The following MIB1 variants were observed in gnomAD, a reference collection of about 807,000 sequenced individuals.
MIB1 encodes the protein MIB E3 ubiquitin protein ligase 1, also known as E3 ubiquitin-protein ligase MIB1.
A neutral mutation model predicts 124.5 loss-of-function variants in MIB1; 278 were observed. That is an observed-to-expected ratio of 2.23 (90% CI 2.02 to 2.47). The LOEUF (loss-of-function observed/expected upper bound fraction) is 2.47, where lower values mean the gene tolerates loss of function less well. Among genes scored for constraint, MIB1 ranks in the 30% most tolerant of loss-of-function variants. The pLI is 0.00. For missense variants in MIB1, 957 were observed against 1,254.4 expected, an observed-to-expected ratio of 0.76 and a Z score of 3.58; for synonymous variants, 446 against 429.4, an observed-to-expected ratio of 1.04 and a Z score of -0.48.
At chr18:21,731,384 G>C (rs968631094) in intron 1 of MIB1, among the ~76,000 whole-genome samples, 6 of 152,170 alleles carry the variant, frequency 3.9e-5, no homozygotes, top group African/African-American at 1.4e-4. Context: ...ACTGCAAGAT[G>C]CTGATCTATT....
intron 20 of MIB1, among the ~76,000 whole-genome samples, chr18:21,859,374 C>CA (rs1481574073): frequency 7.1e-6 from 1 of 139,984 alleles, no homozygotes; most frequent in Non-Finnish European, 1.5e-5. Flanking sequence ...GCCTGGGTGA[C>CA]AGAGTGAGAC....
In MIB1 at chr18:21,819,357, G is replaced by A. The variant is rs28729513; in HGVS notation, c.1678-138G>A. 3,871 of 565,376 alleles carry A rather than the reference G, an allele frequency of 6.8e-3. 91 individuals carry two copies. Among genetic ancestry groups the A allele is most frequent in the African/African-American group, 0.054 (2,825 of 52,656 alleles). The allele number at this position is 565,376 out of a possible 1,614,324, so 35.0% of individuals were successfully genotyped here. A position where few individuals can be genotyped will look rare whatever the true frequency, so the allele number is the denominator to read the frequency against. On this transcript the variant is annotated intron_variant, in intron 11 of 20. Transcript: ENST00000261537. The stretch of plus-strand genomic sequence containing the variant: ...CCCAGCCTTTGCCTATATTTTTGTA[G>A]TTATCACAGAAAGTGCTCTTTTATT...
intron 6 of MIB1, among the ~76,000 whole-genome samples, chr18:21,789,511 A>G (rs1052677511): frequency 1.3e-5 from 2 of 151,980 alleles, no homozygotes; most frequent in Non-Finnish European, 2.9e-5. Context: ...GTATTTCCCA[A>G]ACTAATCTTC....
intron 1 of MIB1, among the ~76,000 whole-genome samples, chr18:21,755,605 G>A (rs1433467964): frequency 1.3e-5 from 2 of 152,104 alleles, no homozygotes; most frequent in Non-Finnish European, 2.9e-5. Flanking sequence ...GTGAGCCACC[G>A]TGCCCGGCCA....
rs2042335146 is a variant in MIB1 at position 21,868,403 on chromosome 18, G to GA, written c.*3738dup. ...AACATTAAGTTCTTAAAATTTTTGG[G>GA]AGGGACAGTGCACCTCTCCTCTGAA... On this transcript the variant is annotated 3_prime_UTR_variant, in exon 21 of 21. Coordinates refer to ENST00000261537, the MANE Select transcript of MIB1 (RefSeq NM_020774.4). 1 of 152,412 alleles carries GA rather than the reference G, an allele frequency of 6.6e-6. No homozygotes were observed. Among genetic ancestry groups the GA allele is most frequent in the African/African-American group, 2.4e-5 (1 of 41,408 alleles). 9.4% of individuals were successfully genotyped at this position (152,412 alleles called of 1,614,324 possible).
At chr18:21,743,799 A>G (rs1185457933) in intron 1 of MIB1, among the ~76,000 whole-genome samples, 1 of 152,232 alleles carries the variant, frequency 6.6e-6, no homozygotes, top group Non-Finnish European at 1.5e-5. Context: ...AAAGTGTAAC[A>G]GATTCTTTAC....
chr18:21,772,170 A>G (rs527581683), intron 3 of MIB1, among the ~76,000 whole-genome samples: 2 of 152,348 alleles, frequency 1.3e-5, no homozygotes, highest in East Asian at 1.9e-4. Flanking sequence ...AAAACTATTT[A>G]GTACAGGATG....
intron 13 of MIB1, among the ~76,000 whole-genome samples, chr18:21,840,877 A>T (rs1222833312): frequency 6.6e-6 from 1 of 151,904 alleles, no homozygotes; most frequent in African/African-American, 2.4e-5. Context: ...TTAGTATATT[A>T]TCTGACAATG....
In MIB1 at chr18:21,866,399, C is replaced by T. The variant is rs1214895357; in HGVS notation, c.*1733C>T. On this transcript the variant is annotated 3_prime_UTR_variant, in exon 21 of 21. Coordinates refer to ENST00000261537, the MANE Select transcript of MIB1 (RefSeq NM_020774.4). Reference sequence around the variant, plus strand: ...ACTCAGTTATCTAATAAGGGGCCACCGACGCTGTTTTTAAAACTATTTTGA... The same window carrying T: ...ACTCAGTTATCTAATAAGGGGCCACTGACGCTGTTTTTAAAACTATTTTGA... 4 of 152,192 alleles carry T rather than the reference C, an allele frequency of 2.6e-5. No homozygotes were observed. The highest frequency in any genetic ancestry group is 4.4e-5 in the Non-Finnish European group (3 of 68,010). 9.4% of individuals were successfully genotyped at this position (152,192 alleles called of 1,614,324 possible). A position where few individuals can be genotyped will look rare whatever the true frequency, so the allele number is the denominator to read the frequency against.
chr18:21,735,368 A>G (rs2040791714), intron 1 of MIB1, among the ~76,000 whole-genome samples: 1 of 152,176 alleles, frequency 6.6e-6, no homozygotes, highest in African/African-American at 2.4e-5. Context: ...AGTCTTCACA[A>G]CCAGCAGACC....
At chr18:21,714,194 A>G (rs755185193) in intron 1 of MIB1, among the ~76,000 whole-genome samples, 1 of 152,038 alleles carries the variant, frequency 6.6e-6, no homozygotes, top group African/African-American at 2.4e-5. Context: ...CAAAGCCATC[A>G]CTCTAGGTGC....
intron 12 of MIB1, among the ~76,000 whole-genome samples, chr18:21,837,331 AC>A (rs1212351651): frequency 3.9e-5 from 6 of 152,076 alleles, no homozygotes; most frequent in African/African-American, 1.2e-4. Flanking sequence ...ACACGGTGAA[AC>A]CCCATCTCTA....
rs530171282 is a variant in MIB1, at chr18:21,868,135, A to T, written c.*3469A>T. On this transcript the variant is annotated 3_prime_UTR_variant, in exon 21 of 21. Transcript: ENST00000261537. ...TTGTATTTTTTGTGATGAAAAACTC[A>T]TAACATAAAATTTACCATATTAACT... is the stretch of plus-strand genomic sequence containing the variant. The T allele has an allele frequency of 3.3e-5, 5 of 152,156 alleles. No homozygotes were observed. In the East Asian group the frequency reaches 9.6e-4, roughly 29 times the overall value. The allele number at this position is 152,156 out of a possible 1,614,324, so 9.4% of individuals were successfully genotyped here.
chr18:21,842,116 A>AG (rs60554612), intron 13 of MIB1, among the ~76,000 whole-genome samples: 26,341 of 120,896 alleles, frequency 0.22, 4,682 homozygotes, highest in African/African-American at 0.39. Flanking sequence ...AAAAAAAAAA[A>AG]AAGAAGAAAA....
chr18:21,750,236 TCTC>T (rs1762371296), intron 1 of MIB1, among the ~76,000 whole-genome samples: 1 of 152,060 alleles, frequency 6.6e-6, no homozygotes, highest in Admixed American at 6.5e-5. Context: ...TGCAAGCAAT[TCTC>T]CTACTGGGTG....
intron 12 of MIB1, among the ~76,000 whole-genome samples, chr18:21,832,577 G>C (rs963499371): frequency 6.6e-6 from 1 of 152,092 alleles, no homozygotes; most frequent in African/African-American, 2.4e-5. Flanking sequence ...GCTATACCTT[G>C]TTTTTTAATC....
At chr18:21,813,004 G>C (rs1371225766) in intron 10 of MIB1, among the ~76,000 whole-genome samples, 1 of 152,188 alleles carries the variant, frequency 6.6e-6, no homozygotes, top group East Asian at 1.9e-4. Flanking sequence ...TAATTTTCTA[G>C]TGTGCGTGTG....
intron 1 of MIB1, among the ~76,000 whole-genome samples, chr18:21,731,693 C>A (rs1245796533): frequency 2.0e-5 from 3 of 147,402 alleles, no homozygotes; most frequent in African/African-American, 7.6e-5. Flanking sequence ...GATTGCGCCA[C>A]CGCACTCCAG....
chr18:21,824,896 T>C (rs12968949), intron 12 of MIB1, among the ~76,000 whole-genome samples: 20,887 of 152,074 alleles, frequency 0.14, 1,923 homozygotes, highest in Non-Finnish European at 0.21. Context: ...TTTTTTTCTT[T>C]ACTTCAGTTT....
Sources: gnomAD v4.1 joint callset for allele counts (sites outside exome capture counted in the v4.1 genomes callset) on GRCh38, gnomAD v4.1.1 for gene constraint, MANE v1.5 for transcripts, NCBI Gene and HGNC (gene_info 2026-07-23, HGNC 2026-07-21) for gene names.